Variants in SYT17 observed in about 807,000 individuals in gnomAD.
SYT17 encodes synaptotagmin 17.
In SYT17, 22 loss-of-function variants were observed where a neutral mutation model predicts 46.7. The observed-to-expected ratio is 0.47, with a 90% CI of 0.34 to 0.67. The LOEUF is 0.67. SYT17 is among the 30% of genes least tolerant of loss of function. SYT17 has a pLI of 0.01. For synonymous variants in SYT17, 251 were observed against 248.4 expected, an observed-to-expected ratio of 1.01 and a Z score of -0.10; for missense variants, 519 against 612.8, an observed-to-expected ratio of 0.85 and a Z score of 1.62.
rs1162079894 is a variant in SYT17, at chr16:19,242,507, A to T, written c.1228+17669A>T. On this transcript the variant is annotated intron_variant, in intron 7 of 7. Transcript: ENST00000355377. ...GCAGAGACTATAGCAAGGAACTTAGATGATACATTTTTTTTTAATTAAAAA... is the reference window on the plus strand; with the variant it reads ...GCAGAGACTATAGCAAGGAACTTAGTTGATACATTTTTTTTTAATTAAAAA... Among the ~76,000 whole-genome samples, 3 of 151,960 alleles carry T rather than the reference A, an allele frequency of 2.0e-5. No individual in the cohort carries two copies. The East Asian group carries it at 5.8e-4, about 29-fold the overall frequency.
At chr16:19,199,272 G>A (rs1276174337) in intron 5 of SYT17, among the ~76,000 whole-genome samples, 2 of 151,776 alleles carry the variant, frequency 1.3e-5, no homozygotes, top group Non-Finnish European at 2.9e-5. Context: ...TGTGAGGTAT[G>A]GTGACCCTCC....
At position 19,228,589 on chromosome 16, in the gene SYT17, T is replaced by A. The variant is rs141631293; in HGVS notation, c.1228+3751T>A. On this transcript the variant is annotated intron_variant, in intron 7 of 7. Coordinates refer to ENST00000355377, the MANE Select transcript of SYT17 (RefSeq NM_016524.4). The stretch of plus-strand genomic sequence containing the variant: ...TGAGCATCTATAAGTAGCTATTTTT[T>A]AAAAACACCCCAGATATTTCTATTG... Among the ~76,000 whole-genome samples, 23 of 152,322 alleles carry A rather than the reference T, an allele frequency of 1.5e-4. No individual in the cohort carries two copies. The East Asian group carries it at 3.5e-3, about 23-fold the overall frequency.
chr16:19,181,898 C>G lies in SYT17; in HGVS notation c.331+1359C>G, dbSNP rs539735745. Among the ~76,000 whole-genome samples, 115 of 151,298 alleles carry G rather than the reference C, an allele frequency of 7.6e-4. 1 individual carries two copies. The highest frequency in any genetic ancestry group is 1.3e-3 in the Non-Finnish European group (86 of 67,924). ...CCTGTAATCCCAGCTACCTGGGAGG[C>G]TGAGGCAGGAGAATCGGTTGAACCC... On this transcript the variant is annotated intron_variant, in intron 4 of 7. Coordinates refer to ENST00000355377, the MANE Select transcript of SYT17 (RefSeq NM_016524.4).
intron 7 of SYT17, among the ~76,000 whole-genome samples, chr16:19,255,800 A>G (rs1431326380): frequency 6.6e-6 from 1 of 152,104 alleles, no homozygotes; most frequent in Non-Finnish European, 1.5e-5. Context: ...ATTCGTTCTA[A>G]GCCAATATTG....
chr16:19,253,029 T>C (rs1311538574), intron 7 of SYT17, among the ~76,000 whole-genome samples: 2 of 152,204 alleles, frequency 1.3e-5, no homozygotes, highest in Non-Finnish European at 2.9e-5. Context: ...ATGCTGCTAC[T>C]GCTGGTGTGG....
chr16:19,223,285 T>A, intron 6 of SYT17, 120 bp downstream of exon 6: 1 of 1,247,802 alleles, frequency 8.0e-7, no homozygotes, highest in Non-Finnish European at 1.1e-6. Context: ...ATGAGGCAGG[T>A]AAATGATGCC....
At position 19,250,613 on chromosome 16, in the gene SYT17, A is replaced by T. The variant is rs1200365557; in HGVS notation, c.1229-16267A>T. Among the ~76,000 whole-genome samples the T allele has an allele frequency of 2.6e-5, 4 of 152,084 alleles. No individual in the cohort carries two copies. In the East Asian group the frequency reaches 7.7e-4, roughly 29 times the overall value. On this transcript the variant is annotated intron_variant, in intron 7 of 7. Coordinates refer to ENST00000355377, the MANE Select transcript of SYT17 (RefSeq NM_016524.4). ...GGTCTCGAACTCCTGGGCTCAAGTG[A>T]TCCTCTTGCCTCAGCCTCCCATAGT...
chr16:19,246,496 CA>C (rs1278483780), intron 7 of SYT17, among the ~76,000 whole-genome samples: 1 of 152,016 alleles, frequency 6.6e-6, no homozygotes, highest in Admixed American at 6.6e-5. Context: ...AGAAATAAAA[CA>C]AAAAGTAAAA....
Position 19,252,517 on chromosome 16 carries a change from ACATATATATATACATATATATATT to A in SYT17, c.1229-14362_1229-14339del, listed in dbSNP as rs1968244206. The stretch of plus-strand genomic sequence containing the variant: ...TACATATATATATACATATATATAT[ACATATATATATACATATATATATT>A]TTTTTTTAAATAACTTGAGGTCATG... On this transcript the variant is annotated intron_variant, in intron 7 of 7. Coordinates refer to ENST00000355377, the MANE Select transcript of SYT17 (RefSeq NM_016524.4). 5.4e-4 allele frequency among the ~76,000 whole-genome samples: 9 copies of A among 16,742 alleles called. 4 individuals carry two copies. Among genetic ancestry groups the A allele is most frequent in the African/African-American group, 2.3e-3 (7 of 2,992 alleles). 11.0% of individuals were successfully genotyped at this position (16,742 alleles called of 152,430 possible). A position where few individuals can be genotyped will look rare whatever the true frequency, so the allele number is the denominator to read the frequency against.
chr16:19,206,582 T>C (rs925715931), intron 5 of SYT17, among the ~76,000 whole-genome samples: 14 of 152,276 alleles, frequency 9.2e-5, no homozygotes, highest in African/African-American at 3.4e-4. Flanking sequence ...ATAGTCCAAA[T>C]TCAGGGTGTT....
At chr16:19,197,053 C>G (rs532753947) in intron 5 of SYT17, among the ~76,000 whole-genome samples, 1 of 152,210 alleles carries the variant, frequency 6.6e-6, no homozygotes, top group Admixed American at 6.5e-5. Context: ...CCTTACCAGA[C>G]GAGGCTCTTG....
At chr16:19,221,421 T>A (rs530773344) in intron 5 of SYT17, among the ~76,000 whole-genome samples, 10 of 152,278 alleles carry the variant, frequency 6.6e-5, no homozygotes, top group African/African-American at 1.9e-4. Flanking sequence ...CCACATTTTT[T>A]AAAAATGTGG....
intron 7 of SYT17, 134 bp downstream of exon 7, chr16:19,224,972 C>A: frequency 2.1e-6 from 2 of 963,764 alleles, no homozygotes; most frequent in Middle Eastern, 3.4e-4. Flanking sequence ...GGTTTGAACC[C>A]ACTTAACATC....
intron 7 of SYT17, among the ~76,000 whole-genome samples, chr16:19,258,273 G>A (rs888518399): frequency 6.6e-6 from 1 of 152,082 alleles, no homozygotes; most frequent in African/African-American, 2.4e-5. Flanking sequence ...TGGGAGGTGG[G>A]GGGCGGGAAG....
chr16:19,253,729 CT>C (rs967915685), intron 7 of SYT17, among the ~76,000 whole-genome samples: 1 of 151,510 alleles, frequency 6.6e-6, no homozygotes, highest in Non-Finnish European at 1.5e-5. Flanking sequence ...TTTCAATTCT[CT>C]TTTTTTTTCT....
chr16:19,216,158 T>C (rs945134827), intron 5 of SYT17, among the ~76,000 whole-genome samples: 4 of 152,124 alleles, frequency 2.6e-5, no homozygotes, highest in Non-Finnish European at 5.9e-5. Flanking sequence ...ACAAAGAGTA[T>C]TGGGGCTTTA....
intron 7 of SYT17, among the ~76,000 whole-genome samples, chr16:19,254,019 G>T (rs564047640): frequency 2.2e-4 from 33 of 152,262 alleles, no homozygotes; most frequent in Middle Eastern, 3.4e-3. Context: ...GTGAACCACC[G>T]CACCCAGTCC....
At chr16:19,194,421 C>A (rs765601938) in intron 5 of SYT17, among the ~76,000 whole-genome samples, 25 of 152,112 alleles carry the variant, frequency 1.6e-4, no homozygotes, top group Admixed American at 7.9e-4. Flanking sequence ...TGTTGCTGGC[C>A]CCTGGGTACT....
chr16:19,225,445 G>A (rs970904659), intron 7 of SYT17, among the ~76,000 whole-genome samples: 1 of 152,164 alleles, frequency 6.6e-6, no homozygotes, highest in East Asian at 1.9e-4. Flanking sequence ...GGGTATATTA[G>A]TTATTTATTG....
Sources: gnomAD v4.1 joint callset for allele counts (sites outside exome capture counted in the v4.1 genomes callset) on GRCh38, gnomAD v4.1.1 for gene constraint, MANE v1.5 for transcripts, NCBI Gene and HGNC (gene_info 2026-07-23, HGNC 2026-07-21) for gene names.